Variants in WDR90 observed in about 807,000 individuals in gnomAD.
WDR90 encodes the protein WD repeat domain 90, also known as WD repeat-containing protein 90.
Under a neutral mutation model 195.2 loss-of-function variants are expected in WDR90, and 238 were observed. The observed-to-expected ratio is 1.22, with a 90% CI of 1.10 to 1.36. The LOEUF (loss-of-function observed/expected upper bound fraction) is 1.36. WDR90 is among the 40% of genes most tolerant of loss of function. The pLI is 0.00. For synonymous variants in WDR90, 1,265 were observed against 1,052.4 expected (o/e 1.20, Z -3.91); for missense variants, 2,734 against 2,439.5 (o/e 1.12, Z -2.54).
In WDR90 at chr16:651,967, G is replaced by C. The variant is rs749149127; in HGVS notation, c.981G>C (p.Thr327=). The change falls in exon 9 of 41, where the codon ACG becomes ACC. Residue 327 remains threonine, a synonymous_variant. Transcript: ENST00000293879. ...WAQLEASDIH[T]AAAGTHVLTH... ...AGCTGGAGGCCTCTGACATCCACAC[G>C]GCTGCTGCCGGCACCCACGTGTTGA... The C allele has an allele frequency of 6.2e-7, 1 of 1,607,256 alleles. No individual in the cohort carries two copies. Among genetic ancestry groups the C allele is most frequent in the South Asian group, 1.1e-5 (1 of 90,232 alleles).
Position 662,764 on chromosome 16 carries a change from G to A in WDR90, c.4231G>A (p.Gly1411Ser). 1.9e-6 allele frequency: 3 copies of A among 1,607,574 alleles called. No homozygotes were observed. Among genetic ancestry groups the A allele is most frequent in the Non-Finnish European group, 2.5e-6 (3 of 1,176,490 alleles). Residue 1411 changes from glycine (G) to serine (S), a missense_variant, in exon 34 of 41, where the codon GGC becomes AGC. By Grantham distance (56) the Gly-to-Ser change is moderately conservative. Coordinates refer to ENST00000293879, the MANE Select transcript of WDR90 (RefSeq NM_145294.5). ...TGACAGCGTGGACATGGGCGTCGTG[G>A]GCACCACGGCGGGCACGCTGTGGTT... is the stretch of plus-strand genomic sequence containing the variant. ...FDDSVDMGVV[G>S]TTAGTLWFVS...
intron 33 of WDR90, 51 bp downstream of exon 33, chr16:662,382 C>T: frequency 1.3e-6 from 2 of 1,532,716 alleles, no homozygotes; most frequent in Non-Finnish European, 1.8e-6. Flanking sequence ...GTTGGTGTCC[C>T]TGACTGGGGC....
chr16:657,661 G>A, intron 20 of WDR90, 101 bp from the exon 21 acceptor site: 2 of 1,407,084 alleles, frequency 1.4e-6, no homozygotes, highest in Non-Finnish European at 1.9e-6. Context: ...CGGGGCTGGT[G>A]TTTCCCGAAA....
At position 650,015 on chromosome 16, in the gene WDR90, T is replaced by C; in HGVS notation, c.127T>C (p.Tyr43His). Residue 43 changes from tyrosine to histidine, a missense_variant, in exon 3 of 41, where the codon TAT becomes CAT. Transcript: ENST00000293879. ...GGACAAGACCCTGAAGGGCGCCGTG[T>C]ATCGCATTCGGGGCTCAGTCTCTGC... ...VTDKTLKGAV[Y>H]RIRGSVSAAN... The C allele has an allele frequency of 1.9e-6, 3 of 1,612,800 alleles. No individual in the cohort carries two copies. The highest frequency in any genetic ancestry group is 2.5e-6 in the Non-Finnish European group (3 of 1,179,950).
rs760916570 is a variant in WDR90, at chr16:656,716, G to A, written c.2203-16G>A. ...GAGATCCCTGCCCTCCCCTCAGCACGGCCCCTGTCCCACAGCTATACGACT... is the reference window on the plus strand; with the variant it reads ...GAGATCCCTGCCCTCCCCTCAGCACAGCCCCTGTCCCACAGCTATACGACT... On this transcript the variant is annotated splice_polypyrimidine_tract_variant and intron_variant, in intron 18 of 40. Transcript: ENST00000293879. The A allele has an allele frequency of 4.4e-6, 7 of 1,606,560 alleles. No homozygotes were observed. The highest frequency in any genetic ancestry group is 3.4e-5 in the Admixed American group (2 of 59,600).
In WDR90 at chr16:649,974, G is replaced by A; in HGVS notation, c.103-17G>A. On this transcript the variant is annotated splice_polypyrimidine_tract_variant and intron_variant, in intron 2 of 40. Transcript: ENST00000293879. ...TCTTCTGGGTGCTGTCGGTGATGCG[G>A]GCTCCCGCTTCTCCAGGACAAGACC... 6.2e-7 allele frequency: 1 copy of A among 1,611,470 alleles called. No homozygotes were observed. Among genetic ancestry groups the A allele is most frequent in the Non-Finnish European group, 8.5e-7 (1 of 1,179,010 alleles).
chr16:662,595 C>A lies in WDR90; in HGVS notation c.4146-84C>A, dbSNP rs1158209088. 4.7e-6 allele frequency: 7 copies of A among 1,495,594 alleles called. No homozygotes were observed. The South Asian group carries it at 8.1e-5, about 17-fold the overall frequency. 92.6% of individuals were successfully genotyped at this position (1,495,594 alleles called of 1,614,324 possible). On this transcript the variant is annotated intron_variant, in intron 33 of 40. Coordinates refer to ENST00000293879, the MANE Select transcript of WDR90 (RefSeq NM_145294.5). ...GGTCCTGAGATGCAATGCTGAGGGC[C>A]CTGCCTCGGCTGGGGACCCAGCTGG...
chr16:655,870 C>T lies in WDR90; in HGVS notation c.1947C>T (p.Ser649=), dbSNP rs777644822. 1.3e-6 allele frequency: 2 copies of T among 1,597,308 alleles called. No homozygotes were observed. Among genetic ancestry groups the T allele is most frequent in the Non-Finnish European group, 1.7e-6 (2 of 1,174,908 alleles). ...TGCGGCTCTGGCCCCTGGACTTCTC[C>T]TCGGTGCTCCTGGAGGCAGGTGATG... ...GFLRLWPLDF[S]SVLLEAEHEG... is the part of the protein sequence containing the mutation. Residue 649 remains serine (S), a synonymous_variant, in exon 17 of 41, where the codon TCC becomes TCT. Coordinates refer to ENST00000293879, the MANE Select transcript of WDR90 (RefSeq NM_145294.5).
chr16:655,893 A>G lies in WDR90; in HGVS notation c.1966+4A>G, dbSNP rs762332534. The G allele has an allele frequency of 1.7e-5, 27 of 1,589,840 alleles. No homozygotes were observed. In the South Asian group the frequency reaches 2.9e-4, roughly 17 times the overall value. On this transcript the variant is annotated splice_donor_region_variant and intron_variant, in intron 17 of 40. Coordinates refer to ENST00000293879, the MANE Select transcript of WDR90 (RefSeq NM_145294.5). ...TCCTCGGTGCTCCTGGAGGCAGGTG[A>G]TGCTGTGGGCACGCTCTCCCAACTC...
chr16:662,876 G>A (rs765331419), intron 34 of WDR90, 32 bp downstream of exon 34: 6 of 1,537,248 alleles, frequency 3.9e-6, no homozygotes, highest in Non-Finnish European at 5.2e-6. Context: ...CAGAGGCGGG[G>A]CAGCCGAACC....
chr16:651,317 G>T, intron 7 of WDR90, 51 bp downstream of exon 7: 1 of 1,595,570 alleles, frequency 6.3e-7, no homozygotes, highest in Non-Finnish European at 8.6e-7. Flanking sequence ...TAGGGTGCGT[G>T]GGGCTCGGTA....
At position 655,080 on chromosome 16, in the gene WDR90, G is replaced by A. The variant is rs779122099; in HGVS notation, c.1489G>A (p.Val497Ile). 16 of 1,612,772 alleles carry A rather than the reference G, an allele frequency of 9.9e-6. 1 individual carries two copies. In the East Asian group the frequency reaches 1.1e-4, roughly 11 times the overall value. Residue 497 changes from valine (V) to isoleucine (I), a missense_variant, in exon 14 of 41, where the codon GTT becomes ATT. Val to Ile is a conservative substitution (Grantham distance 29). Coordinates refer to ENST00000293879, the MANE Select transcript of WDR90 (RefSeq NM_145294.5). ...GQVGLGGEVV[V>I]LAKAHTDFDV... is the part of the protein sequence containing the mutation. ...GGTGGGCCTCGGTGGCGAGGTGGTC[G>A]TTCTGGCAAAGGCGCACACTGACTT...
At chr16:658,496 C>G in intron 22 of WDR90, 29 bp from the exon 23 acceptor site, 9 of 1,594,082 alleles carry the variant, frequency 5.6e-6, no homozygotes, top group Non-Finnish European at 7.7e-6. Flanking sequence ...TCCTGAGACA[C>G]GGCATTTCCC....
chr16:651,987 T>C lies in WDR90; in HGVS notation c.1001T>C (p.Val334Ala). ...CACACGGCTGCTGCCGGCACCCACGTGTTGACTCACGAGTCGGCTGAGGTG... is the reference window on the plus strand; with the variant it reads ...CACACGGCTGCTGCCGGCACCCACGCGTTGACTCACGAGTCGGCTGAGGTG... Reference protein sequence around the residue: ...DIHTAAAGTHVLTHESAEVPV... With the variant: ...DIHTAAAGTHALTHESAEVPV... The change falls in exon 9 of 41, where the codon GTG (valine) becomes GCG (alanine). Residue 334 changes from valine to alanine, a missense_variant. Physicochemically the swap from Val to Ala is moderately conservative, Grantham distance 64. Coordinates refer to ENST00000293879, the MANE Select transcript of WDR90 (RefSeq NM_145294.5). The C allele has an allele frequency of 1.2e-6, 2 of 1,606,860 alleles. No individual in the cohort carries two copies. The highest frequency in any genetic ancestry group is 1.7e-6 in the Non-Finnish European group (2 of 1,177,816).
In WDR90 at chr16:662,042, C is replaced by G. The variant is rs777621894; in HGVS notation, c.4016C>G (p.Ala1339Gly). The change falls in exon 32 of 41, where the codon GCG (alanine) becomes GGG (glycine). Residue 1339 changes from alanine to glycine, a missense_variant. Transcript: ENST00000293879. ...RAGRCFLSWE[A>G]DDGGIGLLLF... ...GGCCGCTGCTTCTTGTCCTGGGAGG[C>G]GGATGACGGTGGCATTGGTGAGTGC... 14 of 1,601,764 alleles carry G rather than the reference C, an allele frequency of 8.7e-6. No homozygotes were observed. The highest frequency in any genetic ancestry group is 9.3e-6 in the Non-Finnish European group (11 of 1,179,714).
chr16:654,307 A>G (rs8060448), intron 13 of WDR90: 12,999 of 150,248 alleles, frequency 0.087, 1,285 homozygotes, highest in African/African-American at 0.24. Context: ...CGCCAGCTGG[A>G]CTCCAGCCAT....
rs1263048154 is a variant in WDR90, at chr16:667,769, G to A, written c.*180G>A. ...CCCTGTGAATACTTTCATACCTGTT[G>A]CCCTTTTGCCTAAGAAATCTTTAAT... On this transcript the variant is annotated 3_prime_UTR_variant, in exon 41 of 41. Transcript: ENST00000293879. 2 of 808,592 alleles carry A rather than the reference G, an allele frequency of 2.5e-6. No individual in the cohort carries two copies. The highest frequency in any genetic ancestry group is 2.0e-6 in the Non-Finnish European group (1 of 492,684). The allele number at this position is 808,592 out of a possible 1,614,324, so 50.1% of individuals were successfully genotyped here. A position where few individuals can be genotyped will look rare whatever the true frequency, so the allele number is the denominator to read the frequency against.
In WDR90 at chr16:666,056, G is replaced by A. The variant is rs761431094; in HGVS notation, c.4541G>A (p.Arg1514His). The change falls in exon 36 of 41, where the codon CGC becomes CAC. Residue 1514 changes from arginine (R) to histidine (H), a missense_variant. Transcript: ENST00000293879. ...TCCCTGCGCATCTTCAGCGTCTCCCGCACGGCCATGGAGCTCAAGATGCAC... is the reference window on the plus strand; with the variant it reads ...TCCCTGCGCATCTTCAGCGTCTCCCACACGGCCATGGAGCTCAAGATGCAC... ...DGSLRIFSVS[R>H]TAMELKMHPH... is the part of the protein sequence containing the mutation. 5.0e-6 allele frequency: 8 copies of A among 1,607,284 alleles called. No individual in the cohort carries two copies. In the South Asian group the frequency reaches 5.5e-5, roughly 11 times the overall value.
At position 667,417 on chromosome 16, in the gene WDR90, A is replaced by T. The variant is rs748687611; in HGVS notation, c.5090-15A>T. On this transcript the variant is annotated splice_polypyrimidine_tract_variant and intron_variant, in intron 40 of 40. Coordinates refer to ENST00000293879, the MANE Select transcript of WDR90 (RefSeq NM_145294.5). Reference sequence around the variant, plus strand: ...CTGGTCCTGGCCCTGGCCCACCTGCACCGTCTACCCACAGAGTGCATGCTG... The same window carrying T: ...CTGGTCCTGGCCCTGGCCCACCTGCTCCGTCTACCCACAGAGTGCATGCTG... 9 of 1,585,632 alleles carry T rather than the reference A, an allele frequency of 5.7e-6. No homozygotes were observed. Among genetic ancestry groups the T allele is most frequent in the Non-Finnish European group, 7.7e-6 (9 of 1,161,766 alleles).
Sources: gnomAD v4.1 joint callset for allele counts on GRCh38, gnomAD v4.1.1 for gene constraint, MANE v1.5 for transcripts, NCBI Gene and HGNC (gene_info 2026-07-23, HGNC 2026-07-21) for gene names.